The following TRPC4AP variants were observed in gnomAD, a reference collection of about 807,000 sequenced individuals.
The protein encoded by TRPC4AP is short transient receptor potential channel 4-associated protein.
TRPC4AP carries 45 observed loss-of-function variants against 99.0 expected under a neutral mutation model. The observed-to-expected ratio is 0.45, with a 90% CI of 0.36 to 0.58. The LOEUF (loss-of-function observed/expected upper bound fraction) is 0.58, where lower values mean the gene tolerates loss of function less well. TRPC4AP is among the 20% of genes least tolerant of loss of function. The pLI is 0.00. For synonymous variants in TRPC4AP, 408 were observed against 385.8 expected (o/e 1.06, Z -0.67); for missense variants, 879 against 985.3 (o/e 0.89, Z 1.44).
rs145820692 is a variant in TRPC4AP, at chr20:35,085,545, G to A, written c.168+7069C>T. On this transcript the variant is annotated intron_variant, in intron 1 of 18. Transcript: ENST00000252015. ...GGAGGATTGCTTGAGCCCAGGAGGC[G>A]GAGGTTTCAGTAGTTTTTTTTCACC... Among the ~76,000 whole-genome samples the A allele has an allele frequency of 2.4e-3, 369 of 151,762 alleles. 3 individuals carry two copies. Among genetic ancestry groups the A allele is most frequent in the Middle Eastern group, 0.014 (4 of 294 alleles).
At chr20:35,069,530 C>G in intron 2 of TRPC4AP, 118 bp from the exon 3 acceptor site, 1 of 668,806 alleles carries the variant, frequency 1.5e-6, no homozygotes, top group Non-Finnish European at 2.7e-6. Flanking sequence ...AAGACAGTCC[C>G]CAATGAACCA....
At chr20:35,003,977 G>A (rs971322609) in intron 17 of TRPC4AP, among the ~76,000 whole-genome samples, 9 of 152,224 alleles carry the variant, frequency 5.9e-5, no homozygotes, top group Admixed American at 5.2e-4. Context: ...GCACTAGCCT[G>A]CGCGCCTCGG....
Position 35,044,575 on chromosome 20 carries a change from C to T in TRPC4AP, c.795G>A (p.Thr265=), listed in dbSNP as rs763617564. 6.2e-6 allele frequency: 10 copies of T among 1,613,968 alleles called. No homozygotes were observed. The East Asian group carries it at 6.7e-5, about 11-fold the overall frequency. ...EMDTGNDDKH[T]LLAKNAQQKK... ...TCTGTTGAGCATTTTTGGCAAGAAGCGTGTGCTTGTCATCATTCCCTGTAT... is the reference window on the plus strand; with the variant it reads ...TCTGTTGAGCATTTTTGGCAAGAAGTGTGTGCTTGTCATCATTCCCTGTAT... The change falls in exon 7 of 19, where the codon ACG becomes ACA. Residue 265 remains threonine (T), a synonymous_variant. Coordinates refer to ENST00000252015, the MANE Select transcript of TRPC4AP (RefSeq NM_015638.3).
At position 35,086,571 on chromosome 20, in the gene TRPC4AP, GTGTGTATA is replaced by G. The variant is rs1189552711; in HGVS notation, c.168+6035_168+6042del. Among the ~76,000 whole-genome samples, 68 of 59,778 alleles carry G rather than the reference GTGTGTATA, an allele frequency of 1.1e-3. 2 individuals are homozygous for G. Among genetic ancestry groups the G allele is most frequent in the African/African-American group, 3.0e-3 (62 of 20,626 alleles). 39.2% of individuals were successfully genotyped at this position (59,778 alleles called of 152,430 possible). On this transcript the variant is annotated intron_variant, in intron 1 of 18. Transcript: ENST00000252015. ...TGTGTGTGTGTGTGTGTGTGTGTGTGTGTGTATATATATATGAATAAGACTTTATCCTA... is the reference window on the plus strand; with the variant it reads ...TGTGTGTGTGTGTGTGTGTGTGTGTGTATATATGAATAAGACTTTATCCTA...
intron 8 of TRPC4AP, among the ~76,000 whole-genome samples, chr20:35,032,573 G>A (rs777936305): frequency 3.5e-5 from 5 of 144,326 alleles, no homozygotes; most frequent in African/African-American, 5.1e-5. Context: ...CCAGGTTCTC[G>A]CCATTCTCCT....
chr20:35,002,604 T>A lies in TRPC4AP; in HGVS notation c.*542A>T. The A allele has an allele frequency of 5.5e-6, 1 of 180,724 alleles. No homozygotes were observed. The allele number at this position is 180,724 out of a possible 1,614,324, so 11.2% of individuals were successfully genotyped here. A position where few individuals can be genotyped will look rare whatever the true frequency, so the allele number is the denominator to read the frequency against. ...TCACTTCTGGGAGAACCCCCTTGGA[T>A]GAACACAGCGGCCAATGAGCAAACA... On this transcript the variant is annotated 3_prime_UTR_variant, in exon 19 of 19. Coordinates refer to ENST00000252015, the MANE Select transcript of TRPC4AP (RefSeq NM_015638.3).
intron 7 of TRPC4AP, among the ~76,000 whole-genome samples, chr20:35,040,387 C>T (rs906936342): frequency 1.3e-5 from 2 of 152,182 alleles, no homozygotes; most frequent in African/African-American, 4.8e-5. Context: ...AAGGGATTCT[C>T]CCCCTTCTGG....
At chr20:35,072,765 G>C (rs2145999776) in intron 2 of TRPC4AP, among the ~76,000 whole-genome samples, 1 of 152,208 alleles carries the variant, frequency 6.6e-6, no homozygotes, top group East Asian at 1.9e-4. Flanking sequence ...TGGCAATGTG[G>C]GCTCTTTTTT....
At chr20:35,043,826 G>A (rs918879206) in intron 7 of TRPC4AP, among the ~76,000 whole-genome samples, 7 of 152,094 alleles carry the variant, frequency 4.6e-5, no homozygotes, top group Non-Finnish European at 8.8e-5. Flanking sequence ...AGTTGACCAC[G>A]GATAACTGAA....
At chr20:35,027,291 T>G (rs1337942171) in intron 8 of TRPC4AP, among the ~76,000 whole-genome samples, 1 of 152,246 alleles carries the variant, frequency 6.6e-6, no homozygotes, top group Non-Finnish European at 1.5e-5. Context: ...GCTTTTTTGC[T>G]CCTATGGAAA....
In TRPC4AP at chr20:35,004,355, A is replaced by G. The variant is rs181106348; in HGVS notation, c.2049+103T>C. On this transcript the variant is annotated intron_variant, in intron 17 of 18. Coordinates refer to ENST00000252015, the MANE Select transcript of TRPC4AP (RefSeq NM_015638.3). Reference sequence around the variant, plus strand: ...GTCCTCAGAAGAGCTGGGTCTCCAGAGACGCACTTCTGGAGTGGGGGACAG... The same window carrying G: ...GTCCTCAGAAGAGCTGGGTCTCCAGGGACGCACTTCTGGAGTGGGGGACAG... 264 of 942,214 alleles carry G rather than the reference A, an allele frequency of 2.8e-4. No individual in the cohort carries two copies. In the African/African-American group the frequency reaches 3.9e-3, roughly 14 times the overall value. 58.4% of individuals were successfully genotyped at this position (942,214 alleles called of 1,614,324 possible).
At chr20:35,071,285 TTTTTA>T (rs1334384569) in intron 2 of TRPC4AP, among the ~76,000 whole-genome samples, 2 of 152,188 alleles carry the variant, frequency 1.3e-5, no homozygotes, top group Non-Finnish European at 1.5e-5. Context: ...TTTTTGCTGT[TTTTTA>T]TTTTATTATA....
chr20:35,079,236 T>C (rs1600657842), intron 1 of TRPC4AP, among the ~76,000 whole-genome samples: 1 of 152,218 alleles, frequency 6.6e-6, no homozygotes, highest in Non-Finnish European at 1.5e-5. Context: ...ATCCTTATCA[T>C]ATATGCACCT....
chr20:35,058,250 G>A (rs1323584641), intron 3 of TRPC4AP, among the ~76,000 whole-genome samples: 1 of 152,180 alleles, frequency 6.6e-6, no homozygotes, highest in Non-Finnish European at 1.5e-5. Context: ...TTCAATAATA[G>A]ACAACTAGGC....
intron 3 of TRPC4AP, among the ~76,000 whole-genome samples, chr20:35,065,512 T>TG (rs1272627150): frequency 6.6e-6 from 1 of 152,186 alleles, no homozygotes; most frequent in East Asian, 1.9e-4. Flanking sequence ...AGGCTTACTT[T>TG]GGGTTCTTGC....
chr20:35,042,301 T>G (rs909555042), intron 7 of TRPC4AP, among the ~76,000 whole-genome samples: 5 of 152,138 alleles, frequency 3.3e-5, no homozygotes, highest in African/African-American at 1.2e-4. Context: ...ACATGTAAAA[T>G]TATATTCCCT....
Position 35,003,461 on chromosome 20 carries a change from G to C in TRPC4AP, c.2205C>G (p.Phe735Leu). The change falls in exon 18 of 19, where the codon TTC becomes TTG. Residue 735 changes from phenylalanine to leucine, a missense_variant. This residue lies in a region of TRPC4AP where 224 missense variants were observed against 264.7 expected (regional missense o/e 0.85). Coordinates refer to ENST00000252015, the MANE Select transcript of TRPC4AP (RefSeq NM_015638.3). ...LLNNFHNLLR[F>L]WQQHYLHKDK... ...CCTTGTGCAGGTAGTGCTGCTGCCAGAAGCGCAGCAGGTTGTGGAAGTTGT... is the reference window on the plus strand; with the variant it reads ...CCTTGTGCAGGTAGTGCTGCTGCCACAAGCGCAGCAGGTTGTGGAAGTTGT... 3 of 1,614,172 alleles carry C rather than the reference G, an allele frequency of 1.9e-6. No individual in the cohort carries two copies. Among genetic ancestry groups the C allele is most frequent in the Non-Finnish European group, 2.5e-6 (3 of 1,180,036 alleles).
chr20:35,052,277 T>C (rs911627125), intron 5 of TRPC4AP, among the ~76,000 whole-genome samples: 14 of 151,970 alleles, frequency 9.2e-5, no homozygotes, highest in African/African-American at 2.7e-4. Context: ...TTTTTATTTT[T>C]TGTAGAGACA....
intron 9 of TRPC4AP, among the ~76,000 whole-genome samples, chr20:35,016,643 A>T (rs2082761217): frequency 6.6e-6 from 1 of 152,218 alleles, no homozygotes; most frequent in Non-Finnish European, 1.5e-5. Context: ...AAAAAAAATG[A>T]TCTAAGAGTT....
Sources: allele counts gnomAD v4.1 joint callset (sites outside exome capture counted in the v4.1 genomes callset), GRCh38; gene constraint gnomAD v4.1.1; regional missense constraint gnomAD v4.1.1; transcripts MANE v1.5; gene names NCBI Gene and HGNC (gene_info 2026-07-23, HGNC 2026-07-21).